The following WNK1 variants were observed in gnomAD, a reference collection of about 807,000 sequenced individuals.
WNK1 encodes the protein WNK lysine deficient protein kinase 1, also known as serine/threonine-protein kinase WNK1.
In WNK1, 38 loss-of-function variants were observed where a neutral mutation model predicts 222.8. That is an observed-to-expected ratio of 0.17 (90% CI 0.13 to 0.22). WNK1 has a LOEUF of 0.22. Among genes scored for constraint, WNK1 ranks in the 10% least tolerant of loss-of-function variants. The probability of loss-of-function intolerance (pLI) is 1.00; values close to 1 mark genes in which losing one functional copy is unlikely to be tolerated. For missense variants in WNK1, 2,348 were observed against 2,918.4 expected, an observed-to-expected ratio of 0.80 and a Z score of 4.50; for synonymous variants, 1,090 against 1,092.9, an observed-to-expected ratio of 1.00 and a Z score of 0.05.
chr12:824,255 G>T (rs1368757506), intron 2 of WNK1, among the ~76,000 whole-genome samples: 1 of 147,126 alleles, frequency 6.8e-6, no homozygotes, highest in Non-Finnish European at 1.5e-5. Flanking sequence ...CACTGATGGT[G>T]CCTAATTGTC....
rs1385778210 is a variant in WNK1, at chr12:752,640, A to G, written c.-926A>G. Reference sequence around the variant, plus strand: ...GGTGGACGCGGCTCCTCTCTCGGCCACTCCGCACCCCCATCTTCGGTGACA... The same window carrying G: ...GGTGGACGCGGCTCCTCTCTCGGCCGCTCCGCACCCCCATCTTCGGTGACA... On this transcript the variant is annotated 5_prime_UTR_variant, in exon 1 of 28. Transcript: ENST00000315939. 1.3e-5 allele frequency: 2 copies of G among 151,712 alleles called. No individual in the cohort carries two copies. The highest frequency in any genetic ancestry group is 4.9e-5 in the African/African-American group (2 of 41,130). 9.4% of individuals were successfully genotyped at this position (151,712 alleles called of 1,614,324 possible).
intron 8 of WNK1, among the ~76,000 whole-genome samples, chr12:864,950 A>G (rs1287557592): frequency 7.0e-6 from 1 of 143,038 alleles, no homozygotes; most frequent in Non-Finnish European, 1.5e-5. Flanking sequence ...CAGATGTGCT[A>G]TGTTGAGTTA....
chr12:858,981 A>G (rs910520682), intron 5 of WNK1, among the ~76,000 whole-genome samples: 5 of 152,210 alleles, frequency 3.3e-5, no homozygotes, highest in African/African-American at 1.2e-4. Flanking sequence ...CTAGTATACT[A>G]TTACTAATGA....
intron 26 of WNK1, among the ~76,000 whole-genome samples, chr12:905,219 A>G (rs149366130): frequency 1.1e-3 from 172 of 152,324 alleles, no homozygotes; most frequent in African/African-American, 3.9e-3. Flanking sequence ...GCCTTTCTAC[A>G]TCTTTTATAG....
intron 4 of WNK1, among the ~76,000 whole-genome samples, chr12:834,735 T>G (rs1949050743): frequency 6.6e-6 from 1 of 152,196 alleles, no homozygotes; most frequent in South Asian, 2.1e-4. Flanking sequence ...CTGGTACTGA[T>G]AGTAGGCTGT....
At chr12:902,782 GT>G (rs1159386014) in intron 26 of WNK1, among the ~76,000 whole-genome samples, 7 of 152,182 alleles carry the variant, frequency 4.6e-5, no homozygotes, top group African/African-American at 1.7e-4. Context: ...AGCACTCATG[GT>G]TTCTCTCTGA....
chr12:908,115 G>A lies in WNK1; in HGVS notation c.6831+81G>A, dbSNP rs983876170. ...AGAAACAACTAAGCTGCTGCTTAAC[G>A]TCTTACGCCACGACCTTCTTCAATT... On this transcript the variant is annotated intron_variant, in intron 27 of 27. Transcript: ENST00000315939. 12 of 1,493,984 alleles carry A rather than the reference G, an allele frequency of 8.0e-6. No individual in the cohort carries two copies. The Middle Eastern group carries it at 9.2e-4, about 114-fold the overall frequency. 92.5% of individuals were successfully genotyped at this position (1,493,984 alleles called of 1,614,324 possible).
Position 896,201 on chromosome 12 carries a change from T to A in WNK1, c.5714T>A (p.Val1905Glu), listed in dbSNP as rs759895083. 1.0e-4 allele frequency: 169 copies of A among 1,614,082 alleles called. No homozygotes were observed. The highest frequency in any genetic ancestry group is 1.1e-4 in the Non-Finnish European group (133 of 1,180,040). The change falls in exon 24 of 28, where the codon GTG becomes GAG. Residue 1905 changes from valine to glutamate, a missense_variant. Physicochemically the swap from Val to Glu is moderately radical, Grantham distance 121. Transcript: ENST00000315939. ...LSSSSPESTL[V>E]KPEPNGITIP... Reference sequence around the variant, plus strand: ...AGTAGTAGTCCAGAGAGTACCTTGGTGAAACCAGAGCCGAATGGCATAACC... The same window carrying A: ...AGTAGTAGTCCAGAGAGTACCTTGGAGAAACCAGAGCCGAATGGCATAACC...
intron 1 of WNK1, among the ~76,000 whole-genome samples, chr12:809,341 G>T (rs1946698599): frequency 6.7e-6 from 1 of 148,160 alleles, no homozygotes; most frequent in South Asian, 2.1e-4. Context: ...ATGTTTACCT[G>T]CCCCTCCCCC....
chr12:867,838 ATTAC>A (rs1951806443), intron 8 of WNK1: 6 of 1,612,394 alleles, frequency 3.7e-6, no homozygotes, highest in East Asian at 2.2e-5. Flanking sequence ...GAATGTATGA[ATTAC>A]TTGTCTTATT....
At chr12:851,918 A>T in intron 4 of WNK1, 1 of 777,010 alleles carries the variant, frequency 1.3e-6, no homozygotes, top group Non-Finnish European at 1.8e-6. Context: ...TGCTTTAAAA[A>T]TATTTAGAGT....
At chr12:801,402 C>T (rs533014140) in intron 1 of WNK1, among the ~76,000 whole-genome samples, 2 of 150,712 alleles carry the variant, frequency 1.3e-5, no homozygotes, top group South Asian at 4.2e-4. Flanking sequence ...ACTAGCAACT[C>T]CCAATATAAC....
At chr12:822,170 T>G (rs977248037) in intron 2 of WNK1, among the ~76,000 whole-genome samples, 8 of 133,506 alleles carry the variant, frequency 6.0e-5, no homozygotes, top group Admixed American at 8.7e-5. Flanking sequence ...CTCAGCTCAC[T>G]GCAACCCCCG....
chr12:878,117 T>C (rs751272250), intron 9 of WNK1, 95 bp from the exon 10 acceptor site: 26 of 1,492,020 alleles, frequency 1.7e-5, no homozygotes, highest in Non-Finnish European at 2.2e-5. Context: ...ATCATCATTA[T>C]TTACAGACAC....
At chr12:807,992 T>G (rs1946540847) in intron 1 of WNK1, among the ~76,000 whole-genome samples, 3 of 152,120 alleles carry the variant, frequency 2.0e-5, no homozygotes, top group African/African-American at 4.8e-5. Flanking sequence ...GTGCTGGGAT[T>G]CCAGGCGTGA....
intron 4 of WNK1, among the ~76,000 whole-genome samples, chr12:841,998 T>C (rs1357742204): frequency 1.3e-5 from 2 of 152,210 alleles, no homozygotes; most frequent in African/African-American, 4.8e-5. Context: ...GGAGGAAATA[T>C]AGAGTGTCTT....
At chr12:848,014 G>T (rs1289748889) in intron 4 of WNK1, among the ~76,000 whole-genome samples, 2 of 151,906 alleles carry the variant, frequency 1.3e-5, no homozygotes, top group African/African-American at 4.8e-5. Context: ...CACCATGTTG[G>T]CTAGGATGGT....
At chr12:846,966 A>G (rs548387119) in intron 4 of WNK1, among the ~76,000 whole-genome samples, 11 of 152,274 alleles carry the variant, frequency 7.2e-5, no homozygotes, top group Admixed American at 3.3e-4. Context: ...TTTTGTTTCT[A>G]TGTCTATCCA....
chr12:759,513 T>A (rs1940707513), intron 1 of WNK1, among the ~76,000 whole-genome samples: 1 of 147,100 alleles, frequency 6.8e-6, no homozygotes, highest in Admixed American at 6.7e-5. Flanking sequence ...GTATTTTTAG[T>A]AGAGATGGGG....
Sources: gnomAD v4.1 joint callset for allele counts (sites outside exome capture counted in the v4.1 genomes callset) on GRCh38, gnomAD v4.1.1 for gene constraint, MANE v1.5 for transcripts, NCBI Gene and HGNC (gene_info 2026-07-23, HGNC 2026-07-21) for gene names.